Variants in KCNAB1 observed in about 807,000 individuals in gnomAD.
The protein encoded by KCNAB1 is voltage-gated potassium channel subunit beta-1.
In KCNAB1, 35 loss-of-function variants were observed where a neutral mutation model predicts 64.6. The observed-to-expected ratio is 0.54, with a 90% CI of 0.41 to 0.72. KCNAB1 has a LOEUF of 0.72. KCNAB1 is among the 30% of genes least tolerant of loss of function. KCNAB1 has a pLI of 0.00. For missense variants in KCNAB1, 401 were observed against 512.9 expected (o/e 0.78, Z 2.11); for synonymous variants, 177 against 183.8 (o/e 0.96, Z 0.30).
At chr3:156,238,117 G>A (rs1483486690) in intron 1 of KCNAB1, among the ~76,000 whole-genome samples, 2 of 152,130 alleles carry the variant, frequency 1.3e-5, no homozygotes, top group Non-Finnish European at 2.9e-5. Context: ...AACAGACAAA[G>A]CAGGATGTTT....
chr3:156,231,294 A>T (rs1311074112), intron 1 of KCNAB1, among the ~76,000 whole-genome samples: 2 of 152,078 alleles, frequency 1.3e-5, no homozygotes, highest in African/African-American at 2.4e-5. Context: ...ATAAATTCTC[A>T]TCAGATGGGT....
intron 1 of KCNAB1, among the ~76,000 whole-genome samples, chr3:156,347,642 G>A (rs1309927320): frequency 1.3e-5 from 2 of 152,184 alleles, no homozygotes; most frequent in East Asian, 3.8e-4. Flanking sequence ...ATCTGGGGAA[G>A]CCCAGTCATC....
At chr3:156,455,605 T>C (rs1307732204) in intron 3 of KCNAB1, among the ~76,000 whole-genome samples, 1 of 152,188 alleles carries the variant, frequency 6.6e-6, no homozygotes, top group Non-Finnish European at 1.5e-5. Context: ...CCTTTAACTA[T>C]AGGTAACAAA....
chr3:156,355,500 A>T (rs1725171833), intron 1 of KCNAB1, among the ~76,000 whole-genome samples: 1 of 152,148 alleles, frequency 6.6e-6, no homozygotes, highest in Admixed American at 6.5e-5. Context: ...CTGCATGTTG[A>T]CCTACCTGAA....
intron 1 of KCNAB1, among the ~76,000 whole-genome samples, chr3:156,289,969 C>T (rs1038214703): frequency 6.6e-6 from 1 of 152,090 alleles, no homozygotes; most frequent in Admixed American, 6.5e-5. Context: ...TTTCATGTAC[C>T]AGGCAAAGTC....
At chr3:156,166,292 T>A (rs1711556783) in intron 1 of KCNAB1, among the ~76,000 whole-genome samples, 1 of 152,160 alleles carries the variant, frequency 6.6e-6, no homozygotes, top group African/African-American at 2.4e-5. Flanking sequence ...TTCCAAGGTC[T>A]GTGGAGGCAC....
At chr3:156,384,652 A>C (rs1056175828) in intron 1 of KCNAB1, among the ~76,000 whole-genome samples, 1 of 152,244 alleles carries the variant, frequency 6.6e-6, no homozygotes, top group African/African-American at 2.4e-5. Flanking sequence ...GTAGGCAGTC[A>C]TTAGGTGCCA....
chr3:156,443,739 TACACACACACACACACACACACACAC>T (rs71141708), intron 2 of KCNAB1, among the ~76,000 whole-genome samples: 23 of 141,734 alleles, frequency 1.6e-4, no homozygotes, highest in African/African-American at 5.8e-4. Context: ...ATTTAGTCCT[TACACACACACACACACACACACACAC>T]ACACACACAC....
At chr3:156,218,603 C>A (rs1394779292) in intron 1 of KCNAB1, among the ~76,000 whole-genome samples, 1 of 151,852 alleles carries the variant, frequency 6.6e-6, no homozygotes, top group Non-Finnish European at 1.5e-5. Flanking sequence ...GCACACTAAA[C>A]AAATACACAA....
In KCNAB1 at chr3:156,156,957, G is replaced by A. The variant is rs1415264460; in HGVS notation, c.275+36071G>A. ...TACAGCCTAGGCTCTCCAATGTGAGGAGGTAGGAGAGATGAAGAGGAACCA... is the reference window on the plus strand; with the variant it reads ...TACAGCCTAGGCTCTCCAATGTGAGAAGGTAGGAGAGATGAAGAGGAACCA... On this transcript the variant is annotated intron_variant, in intron 1 of 13. Coordinates refer to ENST00000490337, the MANE Select transcript of KCNAB1 (RefSeq NM_172160.3). Among the ~76,000 whole-genome samples the A allele has an allele frequency of 1.6e-4, 24 of 152,194 alleles. 2 individuals are homozygous for A. Among genetic ancestry groups the A allele is most frequent in the Admixed American group, 1.6e-3 (24 of 15,282 alleles).
At chr3:156,226,311 A>G (rs1188345469) in intron 1 of KCNAB1, among the ~76,000 whole-genome samples, 9 of 152,196 alleles carry the variant, frequency 5.9e-5, no homozygotes, top group Admixed American at 3.3e-4. Flanking sequence ...TAAAGTGGAG[A>G]AAGGATACCC....
intron 1 of KCNAB1, among the ~76,000 whole-genome samples, chr3:156,406,424 A>G (rs1181123710): frequency 1.3e-5 from 2 of 152,184 alleles, no homozygotes; most frequent in African/African-American, 4.8e-5. Flanking sequence ...AAGAACCATG[A>G]GAAGGGCAGA....
At chr3:156,522,862 G>T (rs1440285682) in intron 11 of KCNAB1, among the ~76,000 whole-genome samples, 1 of 152,178 alleles carries the variant, frequency 6.6e-6, no homozygotes, top group African/African-American at 2.4e-5. Flanking sequence ...ACGCAAGAGA[G>T]AAAGTCCACA....
chr3:156,200,441 G>T (rs1052573042), intron 1 of KCNAB1, among the ~76,000 whole-genome samples: 1 of 152,210 alleles, frequency 6.6e-6, no homozygotes, highest in Admixed American at 6.5e-5. Flanking sequence ...TCCTTTAGGT[G>T]CTCTGTCCCA....
At chr3:156,468,165 G>A (rs562810696) in intron 7 of KCNAB1, among the ~76,000 whole-genome samples, 1 of 152,092 alleles carries the variant, frequency 6.6e-6, no homozygotes, top group South Asian at 2.1e-4. Flanking sequence ...ATTCCAACTT[G>A]GAAGCTGAAG....
chr3:156,191,973 T>G (rs1298352778), intron 1 of KCNAB1, among the ~76,000 whole-genome samples: 1 of 152,212 alleles, frequency 6.6e-6, no homozygotes, highest in Non-Finnish European at 1.5e-5. Context: ...AGAACATCCT[T>G]TCTTTGGAAT....
At chr3:156,504,617 C>A (rs758519046) in intron 8 of KCNAB1, among the ~76,000 whole-genome samples, 4 of 151,606 alleles carry the variant, frequency 2.6e-5, no homozygotes, top group Admixed American at 2.6e-4. Context: ...AAGATGGTAT[C>A]TTATGCCTTG....
intron 1 of KCNAB1, among the ~76,000 whole-genome samples, chr3:156,242,768 G>T (rs1366711093): frequency 6.8e-6 from 1 of 146,736 alleles, no homozygotes; most frequent in African/African-American, 2.5e-5. Context: ...TCTTCTCTGT[G>T]AACAGTCTCT....
chr3:156,433,735 A>C (rs1166507759), intron 2 of KCNAB1, among the ~76,000 whole-genome samples: 1 of 152,202 alleles, frequency 6.6e-6, no homozygotes, highest in Non-Finnish European at 1.5e-5. Flanking sequence ...AGAAAGCCAC[A>C]GGCATATCTT....
Sources: gnomAD v4.1 joint callset for allele counts (sites outside exome capture counted in the v4.1 genomes callset) on GRCh38, gnomAD v4.1.1 for gene constraint, MANE v1.5 for transcripts, NCBI Gene and HGNC (gene_info 2026-07-23, HGNC 2026-07-21) for gene names.